The following ATG14 variants were observed in gnomAD, a reference collection of about 807,000 sequenced individuals.
The protein encoded by ATG14 is autophagy related 14, also known as beclin 1-associated autophagy-related key regulator.
A neutral mutation model predicts 60.4 loss-of-function variants in ATG14; 35 were observed. That is an observed-to-expected ratio of 0.58 (90% CI 0.44 to 0.77). The LOEUF (loss-of-function observed/expected upper bound fraction) is 0.77. Ranked by LOEUF, ATG14 falls within the 30% of genes least tolerant of loss-of-function variation. ATG14 has a pLI of 0.00. For missense variants in ATG14, 647 were observed against 626.3 expected (o/e 1.03, Z -0.35); for synonymous variants, 234 against 228.8 (o/e 1.02, Z -0.21).
At chr14:55,394,974 A>C (rs1885288314) in intron 3 of ATG14, 1 of 427,974 alleles carries the variant, frequency 2.3e-6, no homozygotes, top group Non-Finnish European at 4.6e-6. Context: ...GACACTTCAA[A>C]GGGGCTCTCC....
intron 4 of ATG14, among the ~76,000 whole-genome samples, chr14:55,389,644 T>G (rs1039544504): frequency 6.6e-6 from 1 of 152,262 alleles, no homozygotes; most frequent in Non-Finnish European, 1.5e-5. Context: ...TGCAGCTTGC[T>G]GCCGGCACTC....
At chr14:55,400,625 C>G (rs184680714) in intron 1 of ATG14, among the ~76,000 whole-genome samples, 1 of 152,034 alleles carries the variant, frequency 6.6e-6, no homozygotes, top group Non-Finnish European at 1.5e-5. Flanking sequence ...TAAACTGGGC[C>G]GGTGCGGTGG....
Position 55,387,712 on chromosome 14 carries a change from C to G in ATG14, c.410-1616G>C, listed in dbSNP as rs180683835. Among the ~76,000 whole-genome samples the G allele has an allele frequency of 1.9e-3, 295 of 152,184 alleles. 1 individual carries two copies. Among genetic ancestry groups the G allele is most frequent in the African/African-American group, 6.4e-3 (267 of 41,530 alleles). ...GAGACGGAGTTTCGCTCTTGTTGCC[C>G]AGGCTGGAATGCAGTGGTGCATCTC... On this transcript the variant is annotated intron_variant, in intron 4 of 9. Coordinates refer to ENST00000247178, the MANE Select transcript of ATG14 (RefSeq NM_014924.5).
At chr14:55,386,324 T>C (rs560065518) in intron 4 of ATG14, among the ~76,000 whole-genome samples, 104 of 152,332 alleles carry the variant, frequency 6.8e-4, no homozygotes, top group Non-Finnish European at 1.1e-3. Flanking sequence ...CTATTTGTAA[T>C]CATCACTAGT....
At chr14:55,378,743 G>C (rs918622699) in intron 7 of ATG14, among the ~76,000 whole-genome samples, 1 of 152,068 alleles carries the variant, frequency 6.6e-6, no homozygotes, top group African/African-American at 2.4e-5. Flanking sequence ...CTGTCACCCA[G>C]GCTGGGGTGC....
At chr14:55,397,943 CTTTTTTTT>C (rs928087584) in intron 1 of ATG14, among the ~76,000 whole-genome samples, 2 of 105,558 alleles carry the variant, frequency 1.9e-5, no homozygotes, top group African/African-American at 3.9e-5. Context: ...TGCAGTAATT[CTTTTTTTT>C]TTTTTTTTTT....
intron 5 of ATG14, among the ~76,000 whole-genome samples, chr14:55,385,084 G>A (rs1885100753): frequency 6.6e-6 from 1 of 152,154 alleles, no homozygotes; most frequent in Non-Finnish European, 1.5e-5. Flanking sequence ...ACCAGGAAAA[G>A]GCTAAGCCAA....
intron 1 of ATG14, among the ~76,000 whole-genome samples, chr14:55,408,588 T>G (rs939060385): frequency 6.6e-6 from 1 of 152,028 alleles, no homozygotes; most frequent in East Asian, 1.9e-4. Context: ...CTGGACAAGA[T>G]AGGGAGACCC....
At chr14:55,382,751 C>T (rs77450776) in intron 5 of ATG14, among the ~76,000 whole-genome samples, 8,863 of 152,216 alleles carry the variant, frequency 0.058, 327 homozygotes, top group South Asian at 0.09. Context: ...GAAGACGGAA[C>T]CATGAGGTAG....
At chr14:55,411,346 C>G (rs1294494041) in intron 1 of ATG14, among the ~76,000 whole-genome samples, 1 of 152,178 alleles carries the variant, frequency 6.6e-6, no homozygotes, top group Non-Finnish European at 1.5e-5. Flanking sequence ...TCCTTTTTTC[C>G]CCAGTGACCA....
intron 1 of ATG14, among the ~76,000 whole-genome samples, chr14:55,408,060 T>C (rs1841047710): frequency 6.6e-6 from 1 of 152,216 alleles, no homozygotes; most frequent in African/African-American, 2.4e-5. Context: ...CTAGGCATCA[T>C]GCTAACCACT....
chr14:55,378,912 T>A (rs2140127232), intron 7 of ATG14, among the ~76,000 whole-genome samples: 1 of 152,162 alleles, frequency 6.6e-6, no homozygotes, highest in East Asian at 1.9e-4. Context: ...CTCACTATGT[T>A]TCCCAGGCTG....
intron 1 of ATG14, among the ~76,000 whole-genome samples, chr14:55,398,562 ACAGG>A (rs1304367162): frequency 6.6e-6 from 1 of 152,238 alleles, no homozygotes; most frequent in Non-Finnish European, 1.5e-5. Context: ...TTTCAGATAT[ACAGG>A]CTTTTCTAGG....
chr14:55,384,452 CCTG>C (rs1363837440), intron 5 of ATG14, among the ~76,000 whole-genome samples: 2 of 152,250 alleles, frequency 1.3e-5, no homozygotes, highest in Non-Finnish European at 2.9e-5. Flanking sequence ...CTCCAACTGT[CCTG>C]CTAATATCTC....
At chr14:55,370,476 T>C (rs1884788986) in intron 9 of ATG14, among the ~76,000 whole-genome samples, 1 of 152,168 alleles carries the variant, frequency 6.6e-6, no homozygotes, top group African/African-American at 2.4e-5. Flanking sequence ...AGAGGCAATG[T>C]TGTATATTTC....
chr14:55,411,035 C>T (rs1378419969), intron 1 of ATG14, among the ~76,000 whole-genome samples: 1 of 152,160 alleles, frequency 6.6e-6, no homozygotes, highest in Non-Finnish European at 1.5e-5. Flanking sequence ...TTCCCAAATT[C>T]CTAAGAATCT....
At chr14:55,394,318 ATAATT>A (rs1885276852) in intron 3 of ATG14, among the ~76,000 whole-genome samples, 1 of 152,024 alleles carries the variant, frequency 6.6e-6, no homozygotes, top group Non-Finnish European at 1.5e-5. Flanking sequence ...TTTTTCCTTC[ATAATT>A]GAGATTTCAC....
In ATG14 at chr14:55,390,895, G is replaced by A; in HGVS notation, c.409+16C>T. 1 of 1,533,004 alleles carries A rather than the reference G, an allele frequency of 6.5e-7. No individual in the cohort carries two copies. Among genetic ancestry groups the A allele is most frequent in the Non-Finnish European group, 9.0e-7 (1 of 1,116,324 alleles). The allele number at this position is 1,533,004 out of a possible 1,614,324, so 95.0% of individuals were successfully genotyped here. A position where few individuals can be genotyped will look rare whatever the true frequency, so the allele number is the denominator to read the frequency against. On this transcript the variant is annotated intron_variant, in intron 4 of 9. Coordinates refer to ENST00000247178, the MANE Select transcript of ATG14 (RefSeq NM_014924.5). ...GGCACTTTCTAGGGCTGGAAGGAAG[G>A]ACACGAATTACTTACTTTTCTCCAT...
intron 1 of ATG14, 71 bp from the exon 2 acceptor site, chr14:55,397,505 C>T: frequency 8.3e-7 from 1 of 1,203,664 alleles, no homozygotes; most frequent in Non-Finnish European, 1.2e-6. Context: ...TGCAAATTCC[C>T]AAGAACCAAT....
Sources: gnomAD v4.1 joint callset for allele counts (sites outside exome capture counted in the v4.1 genomes callset) on GRCh38, gnomAD v4.1.1 for gene constraint, MANE v1.5 for transcripts, NCBI Gene and HGNC (gene_info 2026-07-23, HGNC 2026-07-21) for gene names.